Variants in DLGAP2 observed in about 807,000 individuals in gnomAD.
DLGAP2 encodes the protein disks large-associated protein 2.
A neutral mutation model predicts 100.3 loss-of-function variants in DLGAP2; 26 were observed. The ratio of observed to expected loss-of-function variants is 0.26; its 90% confidence interval spans 0.19 to 0.36. The LOEUF is 0.36. Ranked by LOEUF, DLGAP2 falls within the 10% of genes least tolerant of loss-of-function variation. DLGAP2 has a pLI of 1.00. For synonymous variants in DLGAP2, 886 were observed against 630.1 expected (o/e 1.41, Z -6.08); for missense variants, 1,858 against 1,453.2 (o/e 1.28, Z -4.53).
At chr8:1,356,476 C>T (rs1426633708) in intron 3 of DLGAP2, among the ~76,000 whole-genome samples, 15 of 152,274 alleles carry the variant, frequency 9.9e-5, no homozygotes, top group South Asian at 4.1e-4. Context: ...TCCAGGGCTG[C>T]GGACTCTGGG....
chr8:1,579,000 G>A (rs1803112025), intron 6 of DLGAP2, among the ~76,000 whole-genome samples: 1 of 152,144 alleles, frequency 6.6e-6, no homozygotes, highest in Admixed American at 6.5e-5. Flanking sequence ...TTCTAAATTA[G>A]CTTATGTATT....
intron 3 of DLGAP2, among the ~76,000 whole-genome samples, chr8:1,326,767 T>C (rs768873090): frequency 1.1e-4 from 17 of 152,248 alleles, no homozygotes; most frequent in Non-Finnish European, 2.5e-4. Context: ...CTGGAGAGAC[T>C]AAGTTCACAG....
chr8:1,610,891 T>C (rs1271586791), intron 6 of DLGAP2, among the ~76,000 whole-genome samples: 1 of 117,336 alleles, frequency 8.5e-6, no homozygotes, highest in Non-Finnish European at 1.7e-5. Flanking sequence ...ATTGTGGCAA[T>C]AATCAATAGT....
At chr8:1,360,160 A>G (rs1192093451) in intron 3 of DLGAP2, among the ~76,000 whole-genome samples, 4 of 148,088 alleles carry the variant, frequency 2.7e-5, no homozygotes, top group Admixed American at 6.7e-5. Context: ...GTGCAGGTGC[A>G]TAAGGGTTAG....
rs555761091 is a variant in DLGAP2, at chr8:779,772, C to A, written c.18+41947C>A. Among the ~76,000 whole-genome samples the A allele has an allele frequency of 2.0e-5, 3 of 152,270 alleles. No individual in the cohort carries two copies. The South Asian group carries it at 6.2e-4, about 32-fold the overall frequency. ...GAATATCTGTAGCAGGGCCACATTT[C>A]TCTGTGTCATTTGCAGAGTTCATTG... On this transcript the variant is annotated intron_variant, in intron 1 of 14. Coordinates refer to ENST00000637795, the MANE Select transcript of DLGAP2 (RefSeq NM_001346810.2).
chr8:1,262,198 A>G (rs1267984366), intron 3 of DLGAP2, among the ~76,000 whole-genome samples: 1 of 152,260 alleles, frequency 6.6e-6, no homozygotes, highest in East Asian at 1.9e-4. Flanking sequence ...TGGAGACCTC[A>G]GAATTCTACA....
At chr8:1,276,841 C>T (rs76786040) in intron 3 of DLGAP2, among the ~76,000 whole-genome samples, 354 of 152,254 alleles carry the variant, frequency 2.3e-3, no homozygotes, top group Non-Finnish European at 3.3e-3. Context: ...AAGACGTTAT[C>T]ATTTTCTCAC....
Position 1,337,142 on chromosome 8 carries a change from G to A in DLGAP2, c.106+78259G>A, listed in dbSNP as rs1017005600. Among the ~76,000 whole-genome samples, 3 of 149,526 alleles carry A rather than the reference G, an allele frequency of 2.0e-5. No individual in the cohort carries two copies. In the East Asian group the frequency reaches 5.8e-4, roughly 29 times the overall value. ...GATGATGATGAGGATGATAATGGTG[G>A]TGAGAATGATGGTGATGATGGTGGT... On this transcript the variant is annotated intron_variant, in intron 3 of 14. Transcript: ENST00000637795.
intron 3 of DLGAP2, among the ~76,000 whole-genome samples, chr8:1,372,171 C>T (rs889303515): frequency 2.6e-5 from 4 of 152,098 alleles, no homozygotes; most frequent in Non-Finnish European, 5.9e-5. Context: ...GCGCAGGTCA[C>T]CGTGGCGCCA....
At chr8:782,121 C>A (rs1821706521) in intron 1 of DLGAP2, among the ~76,000 whole-genome samples, 2 of 151,914 alleles carry the variant, frequency 1.3e-5, no homozygotes, top group Admixed American at 6.6e-5. Flanking sequence ...TGAAAGATAT[C>A]CCAGTTATCC....
intron 2 of DLGAP2, among the ~76,000 whole-genome samples, chr8:1,076,963 G>T (rs1383535762): frequency 6.8e-6 from 1 of 146,620 alleles, no homozygotes; most frequent in Non-Finnish European, 1.5e-5. Flanking sequence ...AGACCAAGAG[G>T]GGGAGGAGGA....
chr8:1,493,237 C>T (rs566900369), intron 3 of DLGAP2, among the ~76,000 whole-genome samples: 2 of 152,164 alleles, frequency 1.3e-5, no homozygotes, highest in South Asian at 2.1e-4. Context: ...ATGGATGGAG[C>T]GCATAGAGGG....
intron 4 of DLGAP2, among the ~76,000 whole-genome samples, chr8:1,509,172 A>T (rs985264243): frequency 6.6e-6 from 1 of 152,052 alleles, no homozygotes; most frequent in Non-Finnish European, 1.5e-5. Flanking sequence ...CTCTACTAAA[A>T]TACAAAATAT....
rs570877704 is a variant in DLGAP2, at chr8:1,542,975, C to G, written c.173-5651C>G. Among the ~76,000 whole-genome samples, 7 of 152,242 alleles carry G rather than the reference C, an allele frequency of 4.6e-5. No homozygotes were observed. The South Asian group carries it at 1.5e-3, about 32-fold the overall frequency. On this transcript the variant is annotated intron_variant, in intron 4 of 14. Transcript: ENST00000637795. ...CCCTACTGGTGAGTGATTCTGAACG[C>G]CTTTCTGTGTGCTCTTTCGCCGTTA...
chr8:1,237,999 TG>T lies in DLGAP2; in HGVS notation c.74-20850del, dbSNP rs1798701995. On this transcript the variant is annotated intron_variant, in intron 2 of 14. Coordinates refer to ENST00000637795, the MANE Select transcript of DLGAP2 (RefSeq NM_001346810.2). ...TGGCGCCGTGTCCAGTTCTGTCACA[TG>T]GCTCCGTGTCTGGTTCTCTCACATG... Among the ~76,000 whole-genome samples the T allele has an allele frequency of 3.2e-4, 3 of 9,502 alleles. 1 individual carries two copies. The South Asian group carries it at 9.3e-3, about 29-fold the overall frequency. 6.2% of individuals were successfully genotyped at this position (9,502 alleles called of 152,430 possible). A position where few individuals can be genotyped will look rare whatever the true frequency, so the allele number is the denominator to read the frequency against.
chr8:816,061 G>C (rs7463693), intron 1 of DLGAP2, among the ~76,000 whole-genome samples: 1 of 151,936 alleles, frequency 6.6e-6, no homozygotes, highest in African/African-American at 2.4e-5. Context: ...TTTGCATGGA[G>C]TATTTCTTCC....
chr8:1,421,556 A>G (rs926550913), intron 3 of DLGAP2, among the ~76,000 whole-genome samples: 6 of 152,226 alleles, frequency 3.9e-5, no homozygotes, highest in African/African-American at 1.2e-4. Context: ...TTATTTCATT[A>G]AAGTTATGAA....
intron 3 of DLGAP2, among the ~76,000 whole-genome samples, chr8:1,491,955 T>C (rs4140954): frequency 0.65 from 98,832 of 152,090 alleles, 32,645 homozygotes; most frequent in African/African-American, 0.75. Context: ...GGGTGACGAG[T>C]GCACCTGGTG....
chr8:1,255,099 C>T (rs1233369677), intron 2 of DLGAP2, among the ~76,000 whole-genome samples: 6 of 135,018 alleles, frequency 4.4e-5, no homozygotes, highest in African/African-American at 1.5e-4. Context: ...TCTCATCCTG[C>T]CTGGGTGCTG....
Sources: gnomAD v4.1 joint callset for allele counts (sites outside exome capture counted in the v4.1 genomes callset) on GRCh38, gnomAD v4.1.1 for gene constraint, MANE v1.5 for transcripts, NCBI Gene and HGNC (gene_info 2026-07-23, HGNC 2026-07-21) for gene names.